Variants in LRRC4C observed in about 807,000 individuals in gnomAD.
The protein encoded by LRRC4C is leucine-rich repeat-containing protein 4C.
A neutral mutation model predicts 33.6 loss-of-function variants in LRRC4C; 5 were observed. That is an observed-to-expected ratio of 0.15 (90% confidence interval 0.08 to 0.31). The LOEUF (loss-of-function observed/expected upper bound fraction) is 0.31, where lower values mean the gene tolerates loss of function less well. Among genes scored for constraint, LRRC4C ranks in the 10% least tolerant of loss-of-function variants. The probability of loss-of-function intolerance (pLI) is 1.00; values close to 1 mark genes in which losing one functional copy is unlikely to be tolerated. For missense variants in LRRC4C, 560 were observed against 796.7 expected (o/e 0.70, Z 3.58); for synonymous variants, 329 against 302.0 (o/e 1.09, Z -0.93).
intron 3 of LRRC4C, among the ~76,000 whole-genome samples, chr11:40,370,105 A>G (rs1476887622): frequency 2.0e-5 from 3 of 152,166 alleles, no homozygotes; most frequent in Non-Finnish European, 4.4e-5. Flanking sequence ...GAATTCCTCT[A>G]TCTGAGTATG....
At chr11:40,447,976 C>A (rs1285652632) in intron 3 of LRRC4C, among the ~76,000 whole-genome samples, 1 of 152,118 alleles carries the variant, frequency 6.6e-6, no homozygotes, top group Non-Finnish European at 1.5e-5. Flanking sequence ...GCCACCATGG[C>A]CAACTAATTT....
At chr11:41,454,396 T>C (rs1048955273) in intron 1 of LRRC4C, among the ~76,000 whole-genome samples, 1 of 152,098 alleles carries the variant, frequency 6.6e-6, no homozygotes, top group Non-Finnish European at 1.5e-5. Context: ...CCTGTCCAAA[T>C]ACAGGAATTG....
chr11:40,607,088 G>A (rs1960693918), intron 3 of LRRC4C, among the ~76,000 whole-genome samples: 1 of 152,108 alleles, frequency 6.6e-6, no homozygotes, highest in Non-Finnish European at 1.5e-5. Context: ...ATACAACAAA[G>A]CAAGAGTAAT....
At chr11:40,187,153 G>A (rs1227761687) in intron 5 of LRRC4C, among the ~76,000 whole-genome samples, 1 of 152,120 alleles carries the variant, frequency 6.6e-6, no homozygotes, top group African/African-American at 2.4e-5. Flanking sequence ...GGGGTGGTGG[G>A]GGAAGCCTAA....
intron 5 of LRRC4C, among the ~76,000 whole-genome samples, chr11:40,180,707 C>T (rs1414040969): frequency 1.3e-5 from 2 of 152,174 alleles, no homozygotes; most frequent in Admixed American, 1.3e-4. Context: ...CACTTGGCAG[C>T]AGTGGTTTTT....
intron 2 of LRRC4C, among the ~76,000 whole-genome samples, chr11:40,738,646 T>C (rs1210821403): frequency 6.6e-6 from 1 of 152,096 alleles, no homozygotes; most frequent in Non-Finnish European, 1.5e-5. Flanking sequence ...ACTTTAGCTC[T>C]CCCCAAAGTC....
At chr11:41,201,891 G>T (rs1946410160) in intron 1 of LRRC4C, among the ~76,000 whole-genome samples, 1 of 136,096 alleles carries the variant, frequency 7.3e-6, no homozygotes, top group African/African-American at 2.8e-5. Flanking sequence ...GCTTTTGGCT[G>T]CTCTACACAC....
chr11:40,833,384 G>T (rs1001718811), intron 2 of LRRC4C, among the ~76,000 whole-genome samples: 2 of 151,986 alleles, frequency 1.3e-5, no homozygotes, highest in Non-Finnish European at 2.9e-5. Context: ...TTAAAAAAAG[G>T]TAAAATTAAT....
intron 3 of LRRC4C, among the ~76,000 whole-genome samples, chr11:40,466,007 A>T (rs2138234587): frequency 6.6e-6 from 1 of 152,182 alleles, no homozygotes; most frequent in East Asian, 1.9e-4. Flanking sequence ...GCAAAAATAT[A>T]GAATCAACCT....
At chr11:40,334,418 T>C (rs1946505711) in intron 3 of LRRC4C, among the ~76,000 whole-genome samples, 1 of 152,012 alleles carries the variant, frequency 6.6e-6, no homozygotes, top group Admixed American at 6.5e-5. Flanking sequence ...TTTGAGGACA[T>C]AATAAAAGAT....
chr11:40,323,412 G>A (rs1005868020), intron 3 of LRRC4C, among the ~76,000 whole-genome samples: 1 of 152,148 alleles, frequency 6.6e-6, no homozygotes, highest in Non-Finnish European at 1.5e-5. Context: ...TGTTTAGGAC[G>A]ATGTCTCTTC....
Position 41,043,244 on chromosome 11 carries a change from T to C in LRRC4C, c.-495-109521A>G, listed in dbSNP as rs145463586. On this transcript the variant is annotated intron_variant, in intron 1 of 6. Transcript: ENST00000528697. ...CCAAATGGGCAGATCATAGATAGGA[T>C]GAGACAGTCAAATCCCCTTGGCTCT... Among the ~76,000 whole-genome samples, 247 of 152,072 alleles carry C rather than the reference T, an allele frequency of 1.6e-3. 1 individual carries two copies. Among genetic ancestry groups the C allele is most frequent in the African/African-American group, 5.6e-3 (232 of 41,498 alleles).
intron 2 of LRRC4C, among the ~76,000 whole-genome samples, chr11:40,737,101 A>T (rs186747502): frequency 3.3e-5 from 5 of 152,004 alleles, no homozygotes; most frequent in Non-Finnish European, 7.4e-5. Flanking sequence ...GTATTACCTA[A>T]GTTTTCTTCT....
In LRRC4C at chr11:40,847,940, G is replaced by A. The variant is rs1397850052; in HGVS notation, c.-407+85695C>T. The stretch of plus-strand genomic sequence containing the variant: ...CCTTTCTATTTTCTAGTTTATTTGT[G>A]TAGAGGTGTTTATAGTATTCTCTGA... On this transcript the variant is annotated intron_variant, in intron 2 of 6. Transcript: ENST00000528697. Among the ~76,000 whole-genome samples, 4 of 152,088 alleles carry A rather than the reference G, an allele frequency of 2.6e-5. No homozygotes were observed. In the East Asian group the frequency reaches 7.7e-4, roughly 29 times the overall value.
rs1004093918 is a variant in LRRC4C at position 40,452,012 on chromosome 11, A to G, written c.-269-132291T>C. On this transcript the variant is annotated intron_variant, in intron 3 of 6. Transcript: ENST00000528697. Reference sequence around the variant, plus strand: ...AGGGTGAGGAATCGCCTCACCCAGGAAGTGCAAGGGGTCAGGGAATTCCCT... The same window carrying G: ...AGGGTGAGGAATCGCCTCACCCAGGGAGTGCAAGGGGTCAGGGAATTCCCT... Among the ~76,000 whole-genome samples the G allele has an allele frequency of 8.5e-5, 13 of 152,260 alleles. No homozygotes were observed. The South Asian group carries it at 2.7e-3, about 32-fold the overall frequency.
chr11:40,387,100 G>A (rs1045478898), intron 3 of LRRC4C, among the ~76,000 whole-genome samples: 2 of 152,106 alleles, frequency 1.3e-5, no homozygotes, highest in Non-Finnish European at 2.9e-5. Context: ...TTGTAGGATG[G>A]AATTGAGAGT....
intron 1 of LRRC4C, among the ~76,000 whole-genome samples, chr11:41,363,188 T>C (rs915807007): frequency 5.3e-5 from 8 of 152,224 alleles, no homozygotes; most frequent in Admixed American, 5.2e-4. Context: ...AAGATAATAT[T>C]GGGCATTTCT....
At chr11:40,505,916 T>A (rs2138670284) in intron 3 of LRRC4C, among the ~76,000 whole-genome samples, 1 of 152,158 alleles carries the variant, frequency 6.6e-6, no homozygotes, top group East Asian at 1.9e-4. Context: ...TTTTTCTAAT[T>A]TCTTTATCTA....
rs1939766703 is a variant in LRRC4C, at chr11:41,083,931, T to C, written c.-495-150208A>G. Among the ~76,000 whole-genome samples the C allele has an allele frequency of 2.0e-5, 3 of 152,358 alleles. 1 individual carries two copies. In the South Asian group the frequency reaches 6.2e-4, roughly 32 times the overall value. On this transcript the variant is annotated intron_variant, in intron 1 of 6. Coordinates refer to ENST00000528697, the MANE Select transcript of LRRC4C (RefSeq NM_001258419.2). ...CAAGGTTCCTTGATGTCACATGCTT[T>C]TGATATTTGCAAGATTGTAAACTGC...
Sources: gnomAD v4.1 joint callset for allele counts (sites outside exome capture counted in the v4.1 genomes callset) on GRCh38, gnomAD v4.1.1 for gene constraint, MANE v1.5 for transcripts, NCBI Gene and HGNC (gene_info 2026-07-23, HGNC 2026-07-21) for gene names.